Variants in FOXJ3 observed in about 807,000 individuals in gnomAD.
FOXJ3 encodes forkhead box protein J3.
Under a neutral mutation model 76.1 loss-of-function variants are expected in FOXJ3, and 22 were observed. The ratio of observed to expected loss-of-function variants is 0.29; its 90% confidence interval spans 0.21 to 0.41. The LOEUF is 0.41. Among genes scored for constraint, FOXJ3 ranks in the 10% least tolerant of loss-of-function variants. FOXJ3 has a pLI of 1.00. For synonymous variants in FOXJ3, 269 were observed against 261.2 expected (o/e 1.03, Z -0.29); for missense variants, 613 against 762.1 (o/e 0.80, Z 2.30).
At chr1:42,258,945 T>C (rs544904412) in intron 4 of FOXJ3, among the ~76,000 whole-genome samples, 5 of 152,328 alleles carry the variant, frequency 3.3e-5, no homozygotes, top group South Asian at 2.1e-4. Context: ...GCTCAATATC[T>C]GTCAAGTCTA....
chr1:42,189,210 T>C, intron 10 of FOXJ3, 93 bp downstream of exon 10: 2 of 863,006 alleles, frequency 2.3e-6, no homozygotes. Flanking sequence ...CTATATAAGA[T>C]GATGTTTATT....
chr1:42,191,798 C>G (rs1646554405), intron 8 of FOXJ3, 79 bp from the exon 9 acceptor site: 2 of 1,480,072 alleles, frequency 1.4e-6, no homozygotes, highest in Non-Finnish European at 1.9e-6. Flanking sequence ...ATTAACATAA[C>G]AAAAGCATAT....
At chr1:42,184,265 T>A (rs1646389057) in intron 11 of FOXJ3, among the ~76,000 whole-genome samples, 1 of 152,146 alleles carries the variant, frequency 6.6e-6, no homozygotes, top group East Asian at 1.9e-4. Flanking sequence ...CATGTCATAA[T>A]GAAAATGTAA....
rs759262263 is a variant in FOXJ3 at position 42,278,372 on chromosome 1, A to G, written c.345T>C (p.Tyr115=). The change falls in exon 3 of 13, where the codon TAT becomes TAC. Residue 115 remains tyrosine, a synonymous_variant. Coordinates refer to ENST00000361346, the MANE Select transcript of FOXJ3 (RefSeq NM_014947.5). ...YQWICDNFPY[Y]REAGSGWKNS... The stretch of plus-strand genomic sequence containing the variant: ...CCTTCCAACCACTGCCAGCCTCTCT[A>G]TAATATGGGAAGTTATCACAAATCC... The G allele has an allele frequency of 1.9e-5, 31 of 1,612,998 alleles. 1 individual carries two copies. The highest frequency in any genetic ancestry group is 2.5e-5 in the Non-Finnish European group (30 of 1,179,062).
intron 4 of FOXJ3, among the ~76,000 whole-genome samples, chr1:42,243,782 C>G (rs1316481417): frequency 5.9e-5 from 9 of 152,040 alleles, no homozygotes; most frequent in Admixed American, 5.9e-4. Context: ...AAGTATCAAA[C>G]AAAGAAACAC....
intron 4 of FOXJ3, among the ~76,000 whole-genome samples, chr1:42,238,566 A>AT (rs1182465282): frequency 6.6e-6 from 1 of 151,762 alleles, no homozygotes; most frequent in Non-Finnish European, 1.5e-5. Context: ...ATGAGGAATT[A>AT]TTTTTTCCCT....
chr1:42,203,565 T>C (rs1051258467), intron 6 of FOXJ3, among the ~76,000 whole-genome samples: 3 of 152,336 alleles, frequency 2.0e-5, no homozygotes, highest in African/African-American at 7.2e-5. Flanking sequence ...TCTCCTCCTT[T>C]GAAGACCATA....
chr1:42,275,542 G>C (rs1652195965), intron 3 of FOXJ3, among the ~76,000 whole-genome samples: 1 of 152,096 alleles, frequency 6.6e-6, no homozygotes, highest in South Asian at 2.1e-4. Context: ...GGGCATAGCA[G>C]CACCCACCCG....
intron 1 of FOXJ3, among the ~76,000 whole-genome samples, chr1:42,321,396 T>G: frequency 6.6e-6 from 1 of 152,148 alleles, no homozygotes; most frequent in East Asian, 1.9e-4. Flanking sequence ...ATGAAAATCA[T>G]TTATCTATCA....
chr1:42,276,766 A>C (rs1652294559), intron 3 of FOXJ3, among the ~76,000 whole-genome samples: 1 of 152,232 alleles, frequency 6.6e-6, no homozygotes, highest in African/African-American at 2.4e-5. Flanking sequence ...TTAACCGAAG[A>C]ATCACAGTTA....
Position 42,309,910 on chromosome 1 carries a change from T to C in FOXJ3, c.44+1140A>G, listed in dbSNP as rs184550018. On this transcript the variant is annotated intron_variant, in intron 2 of 12. Transcript: ENST00000361346. The stretch of plus-strand genomic sequence containing the variant: ...TAATTTGACTTCACATATGAATTGA[T>C]TGGCAAAACTCATCTGGTGACTTCA... 1.6e-4 allele frequency among the ~76,000 whole-genome samples: 24 copies of C among 152,376 alleles called. No homozygotes were observed. In the South Asian group the frequency reaches 2.5e-3, roughly 16 times the overall value.
At chr1:42,325,605 C>T (rs887815530) in intron 1 of FOXJ3, among the ~76,000 whole-genome samples, 2 of 152,102 alleles carry the variant, frequency 1.3e-5, no homozygotes, top group Non-Finnish European at 2.9e-5. Flanking sequence ...AAAAACACTA[C>T]CTTAAAGAAG....
At chr1:42,257,611 C>T (rs760604537) in intron 4 of FOXJ3, among the ~76,000 whole-genome samples, 8 of 151,794 alleles carry the variant, frequency 5.3e-5, no homozygotes, top group Non-Finnish European at 8.8e-5. Flanking sequence ...TGGTGGCACA[C>T]GCTTGTAATC....
rs2124202027 is a variant in FOXJ3 at position 42,191,820 on chromosome 1, G to GC, written c.935-102dup. On this transcript the variant is annotated intron_variant, in intron 8 of 12. Transcript: ENST00000361346. ...TAACAAAAGCATATGATGCCAGGAA[G>GC]CAACACTGGTTCAATTTAATAAGTG... is the stretch of plus-strand genomic sequence containing the variant. 2.4e-6 allele frequency: 3 copies of GC among 1,237,152 alleles called. No homozygotes were observed. In the East Asian group the frequency reaches 7.2e-5, roughly 30 times the overall value. The allele number at this position is 1,237,152 out of a possible 1,614,324, so 76.6% of individuals were successfully genotyped here. A position where few individuals can be genotyped will look rare whatever the true frequency, so the allele number is the denominator to read the frequency against.
chr1:42,182,891 C>A (rs552695543), intron 11 of FOXJ3, among the ~76,000 whole-genome samples: 2 of 152,098 alleles, frequency 1.3e-5, no homozygotes, highest in South Asian at 4.2e-4. Context: ...CCATGTGTGC[C>A]CCTGTTAATT....
chr1:42,292,321 G>C (rs1226582210), intron 2 of FOXJ3, among the ~76,000 whole-genome samples: 2 of 152,166 alleles, frequency 1.3e-5, no homozygotes. Flanking sequence ...CTGCTTTAAG[G>C]ACAACGGCTT....
intron 5 of FOXJ3, among the ~76,000 whole-genome samples, chr1:42,215,031 T>C (rs1422020191): frequency 2.0e-5 from 3 of 152,198 alleles, no homozygotes; most frequent in Non-Finnish European, 2.9e-5. Flanking sequence ...TTCTATAGAT[T>C]ATTATAGAAC....
chr1:42,195,119 T>C, intron 7 of FOXJ3, 55 bp from the exon 8 acceptor site: 2 of 1,320,152 alleles, frequency 1.5e-6, no homozygotes, highest in Non-Finnish European at 2.1e-6. Context: ...TACAATTGGC[T>C]TGTTATATAA....
intron 4 of FOXJ3, among the ~76,000 whole-genome samples, chr1:42,252,433 G>C (rs1402644714): frequency 6.6e-6 from 1 of 152,084 alleles, no homozygotes; most frequent in Non-Finnish European, 1.5e-5. Flanking sequence ...AGTATTCTCT[G>C]ATGGTAGTTT....
Sources: gnomAD v4.1 joint callset for allele counts (sites outside exome capture counted in the v4.1 genomes callset) on GRCh38, gnomAD v4.1.1 for gene constraint, MANE v1.5 for transcripts, NCBI Gene and HGNC (gene_info 2026-07-23, HGNC 2026-07-21) for gene names.